The following ITCH variants were observed in gnomAD, a reference collection of about 807,000 sequenced individuals.
The protein encoded by ITCH is E3 ubiquitin-protein ligase Itchy homolog.
In ITCH, 28 loss-of-function variants were observed where a neutral mutation model predicts 126.8. That is an observed-to-expected ratio of 0.22 (90% CI 0.16 to 0.30). The LOEUF (loss-of-function observed/expected upper bound fraction) is 0.30. ITCH is among the 10% of genes least tolerant of loss of function. The pLI, the probability that ITCH is intolerant of heterozygous loss-of-function variation, is 1.00. For synonymous variants in ITCH, 342 were observed against 340.0 expected, an observed-to-expected ratio of 1.01 and a Z score of -0.06; for missense variants, 631 against 1,032.4, an observed-to-expected ratio of 0.61 and a Z score of 5.33.
intron 2 of ITCH, 31 bp downstream of exon 2, chr20:34,369,501 G>A: frequency 2.5e-6 from 1 of 398,630 alleles, no homozygotes; most frequent in Non-Finnish European, 4.4e-6. Context: ...AGAAATTGGG[G>A]GCAAGAGTGA....
intron 11 of ITCH, 83 bp downstream of exon 11, chr20:34,445,544 A>G: frequency 7.3e-7 from 1 of 1,369,218 alleles, no homozygotes; most frequent in Non-Finnish European, 1.0e-6. Context: ...AGCACTAAAA[A>G]GAAGGTGCAA....
At chr20:34,432,771 C>T (rs1470346059) in intron 7 of ITCH, among the ~76,000 whole-genome samples, 24 of 151,924 alleles carry the variant, frequency 1.6e-4, no homozygotes, top group Non-Finnish European at 1.5e-5. Context: ...GCCTGGGTGA[C>T]ATGGCGAAAC....
At chr20:34,376,498 T>C (rs1238929160) in intron 2 of ITCH, among the ~76,000 whole-genome samples, 2 of 151,834 alleles carry the variant, frequency 1.3e-5, no homozygotes, top group Non-Finnish European at 2.9e-5. Flanking sequence ...AAACAATACC[T>C]CAAAGCAGTC....
chr20:34,424,653 A>C, intron 7 of ITCH, 128 bp downstream of exon 7: 1 of 847,800 alleles, frequency 1.2e-6, no homozygotes, highest in Non-Finnish European at 2.0e-6. Context: ...GAACTCAAGA[A>C]GGGAAATATT....
chr20:34,367,094 G>C (rs2122952307), intron 1 of ITCH, among the ~76,000 whole-genome samples: 1 of 152,302 alleles, frequency 6.6e-6, no homozygotes, highest in East Asian at 1.9e-4. Context: ...GTTATGTATA[G>C]TATGAGAGTG....
chr20:34,466,433 T>C (rs770512342), intron 14 of ITCH: 2 of 519,656 alleles, frequency 3.8e-6, no homozygotes, highest in Non-Finnish European at 7.8e-6. Context: ...TTTCTAATTT[T>C]ATACTTCTAC....
chr20:34,456,399 C>T (rs1986001816), intron 12 of ITCH, among the ~76,000 whole-genome samples: 1 of 146,664 alleles, frequency 6.8e-6, no homozygotes, highest in Admixed American at 6.9e-5. Context: ...AGATGGGACT[C>T]TTCTGGTATC....
intron 17 of ITCH, 145 bp downstream of exon 17, chr20:34,478,005 C>A: frequency 9.4e-7 from 1 of 1,065,842 alleles, no homozygotes; most frequent in Admixed American, 2.6e-5. Context: ...GCTGTAGCTA[C>A]AGAATTTCAA....
intron 12 of ITCH, among the ~76,000 whole-genome samples, chr20:34,456,649 T>A (rs867763889): frequency 2.4e-4 from 24 of 101,706 alleles, no homozygotes; most frequent in East Asian, 1.6e-3. Flanking sequence ...AAAAAATATA[T>A]ATATATATAT....
intron 8 of ITCH, among the ~76,000 whole-genome samples, chr20:34,439,758 A>G (rs887411238): frequency 1.3e-5 from 2 of 152,240 alleles, no homozygotes; most frequent in Admixed American, 6.5e-5. Flanking sequence ...TATTATAACC[A>G]ACATCAAAAA....
intron 1 of ITCH, among the ~76,000 whole-genome samples, chr20:34,368,074 T>A (rs913881220): frequency 1.2e-4 from 18 of 152,044 alleles, no homozygotes; most frequent in African/African-American, 3.6e-4. Context: ...ATCGAGATCA[T>A]CCTGGCCAAC....
At chr20:34,463,795 GT>G (rs906002306) in intron 14 of ITCH, among the ~76,000 whole-genome samples, 8 of 141,748 alleles carry the variant, frequency 5.6e-5, no homozygotes, top group African/African-American at 1.0e-4. Flanking sequence ...ATTTGTTGTT[GT>G]TTTTTTTTTC....
At chr20:34,458,945 T>C (rs1407394028) in intron 13 of ITCH, among the ~76,000 whole-genome samples, 1 of 152,178 alleles carries the variant, frequency 6.6e-6, no homozygotes, top group African/African-American at 2.4e-5. Flanking sequence ...TAACAGTCTG[T>C]AATACTATGC....
chr20:34,414,169 T>G (rs1979472247), intron 6 of ITCH, among the ~76,000 whole-genome samples: 3 of 151,806 alleles, frequency 2.0e-5, no homozygotes, highest in Admixed American at 2.0e-4. Context: ...AGAAATGATT[T>G]TTTTCTTTTT....
Position 34,417,034 on chromosome 20 carries a change from A to G in ITCH, c.475+3155A>G, listed in dbSNP as rs549383378. The stretch of plus-strand genomic sequence containing the variant: ...AAGCGATTCTCCTGCCTCAGCCTCC[A>G]GAGTAGCTAGGATTACAGGCATCTG... On this transcript the variant is annotated intron_variant, in intron 6 of 24. Coordinates refer to ENST00000374864, the MANE Select transcript of ITCH (RefSeq NM_031483.7). 75 of 507,602 alleles carry G rather than the reference A, an allele frequency of 1.5e-4. 2 individuals carry two copies. Among genetic ancestry groups the G allele is most frequent in the South Asian group, 1.2e-3 (72 of 60,720 alleles). The allele number at this position is 507,602 out of a possible 1,614,324, so 31.4% of individuals were successfully genotyped here.
intron 2 of ITCH, among the ~76,000 whole-genome samples, chr20:34,369,747 C>CATACTTTTTCTATTTGT (rs2037549060): frequency 6.6e-6 from 1 of 152,072 alleles, no homozygotes; most frequent in African/African-American, 2.4e-5. Context: ...GTTTTATACA[C>CATACTTTTTCTATTTGT]GTTTATCTCT....
chr20:34,428,874 G>T (rs1981910579), intron 7 of ITCH, among the ~76,000 whole-genome samples: 1 of 152,218 alleles, frequency 6.6e-6, no homozygotes, highest in East Asian at 1.9e-4. Context: ...GCAGATGTTT[G>T]TAAGATTGTG....
chr20:34,500,848 TATATTA>T (rs1990202179), intron 23 of ITCH, among the ~76,000 whole-genome samples: 1 of 152,194 alleles, frequency 6.6e-6, no homozygotes, highest in African/African-American at 2.4e-5. Flanking sequence ...ACCAGAGTGT[TATATTA>T]ATACTTTTTG....
intron 3 of ITCH, among the ~76,000 whole-genome samples, chr20:34,404,415 CTT>C (rs1302908229): frequency 5.0e-5 from 6 of 120,508 alleles, no homozygotes; most frequent in East Asian, 2.3e-4. Flanking sequence ...GAGCTTCTGT[CTT>C]TTTTTTTTTT....
Sources: allele counts gnomAD v4.1 joint callset (sites outside exome capture counted in the v4.1 genomes callset), GRCh38; gene constraint gnomAD v4.1.1; transcripts MANE v1.5; gene names NCBI Gene and HGNC (gene_info 2026-07-23, HGNC 2026-07-21).